The following PALLD variants were observed in gnomAD, a reference collection of about 807,000 sequenced individuals.
PALLD encodes the protein palladin, cytoskeletal associated protein, also known as palladin.
A neutral mutation model predicts 123.5 loss-of-function variants in PALLD; 61 were observed. The observed-to-expected ratio is 0.49, with a 90% CI of 0.40 to 0.61. The LOEUF is 0.61. Among genes scored for constraint, PALLD ranks in the 20% least tolerant of loss-of-function variants. The probability of loss-of-function intolerance (pLI) is 0.00; values close to 1 mark genes in which losing one functional copy is unlikely to be tolerated. For missense variants in PALLD, 1,273 were observed against 1,377.0 expected (o/e 0.92, Z 1.20); for synonymous variants, 465 against 496.4 (o/e 0.94, Z 0.84).
chr4:168,872,593 T>C (rs1335081271), intron 10 of PALLD, among the ~76,000 whole-genome samples: 1 of 152,196 alleles, frequency 6.6e-6, no homozygotes, highest in Non-Finnish European at 1.5e-5. Flanking sequence ...CCCCCAACCT[T>C]AGGGGAATGT....
chr4:168,554,847 C>G (rs1308269098), intron 2 of PALLD, among the ~76,000 whole-genome samples: 1 of 151,980 alleles, frequency 6.6e-6, no homozygotes, highest in Admixed American at 6.6e-5. Flanking sequence ...AAAGAAAAAC[C>G]TATCATATTT....
intron 15 of PALLD, among the ~76,000 whole-genome samples, chr4:168,907,224 A>G (rs1757999584): frequency 6.6e-6 from 1 of 152,224 alleles, no homozygotes; most frequent in Admixed American, 6.5e-5. Context: ...TACTGTCATT[A>G]TTTTAATTCA....
chr4:168,727,687 T>C (rs1366702807), intron 10 of PALLD, among the ~76,000 whole-genome samples: 5 of 152,212 alleles, frequency 3.3e-5, no homozygotes, highest in Non-Finnish European at 5.9e-5. Flanking sequence ...TAGTTTCTTT[T>C]GCTGTACAGA....
At position 168,896,591 on chromosome 4, in the gene PALLD, G is replaced by C. The variant is rs1353803515; in HGVS notation, c.2242G>C (p.Gly748Arg). ...PHASVGSPLD[G>R]QKEYKVSSCE... is the part of the protein sequence containing the mutation. ...TGCTTCTGTAGGGAGTCCTCTGGAT[G>C]GTCAAAAGGTTAAGCTTTTCACCTT... Residue 748 changes from glycine to arginine, a missense_variant, in exon 13 of 22, where the codon GGT (glycine) becomes CGT (arginine). By Grantham distance (125) the Gly-to-Arg change is moderately radical. This residue lies in a region of PALLD where 944 missense variants were observed against 954.5 expected (regional missense o/e 0.99). Transcript: ENST00000505667. 33 of 1,507,606 alleles carry C rather than the reference G, an allele frequency of 2.2e-5. No homozygotes were observed. The highest frequency in any genetic ancestry group is 2.7e-5 in the Non-Finnish European group (30 of 1,121,186). 93.4% of individuals were successfully genotyped at this position (1,507,606 alleles called of 1,614,324 possible).
chr4:168,876,583 G>A (rs1222618722), intron 10 of PALLD, among the ~76,000 whole-genome samples: 1 of 152,200 alleles, frequency 6.6e-6, no homozygotes, highest in Non-Finnish European at 1.5e-5. Context: ...GAAGACACAG[G>A]ACAGAGTTTA....
At chr4:168,629,257 G>A (rs796330870) in intron 2 of PALLD, among the ~76,000 whole-genome samples, 4 of 151,896 alleles carry the variant, frequency 2.6e-5, no homozygotes, top group East Asian at 3.9e-4. Flanking sequence ...CAGGTGATCC[G>A]CCCACCTCAG....
At chr4:168,917,461 A>C (rs1392117282) in intron 17 of PALLD, among the ~76,000 whole-genome samples, 1 of 152,172 alleles carries the variant, frequency 6.6e-6, no homozygotes, top group Non-Finnish European at 1.5e-5. Context: ...CCATTTCTCA[A>C]AGGAGTTTAG....
At chr4:168,550,031 A>C (rs1158782671) in intron 2 of PALLD, among the ~76,000 whole-genome samples, 2 of 152,216 alleles carry the variant, frequency 1.3e-5, no homozygotes, top group Non-Finnish European at 2.9e-5. Context: ...ATAGAAAATA[A>C]ATCTGAGTAA....
At chr4:168,762,707 T>C (rs1469989930) in intron 10 of PALLD, among the ~76,000 whole-genome samples, 1 of 152,200 alleles carries the variant, frequency 6.6e-6, no homozygotes, top group Non-Finnish European at 1.5e-5. Flanking sequence ...ATCATTTTAC[T>C]ATAAAGACAC....
intron 15 of PALLD, among the ~76,000 whole-genome samples, chr4:168,913,711 C>T (rs1759520784): frequency 6.6e-6 from 1 of 151,840 alleles, no homozygotes; most frequent in Non-Finnish European, 1.5e-5. Context: ...CAAAAAAAGA[C>T]CTTGTCACCT....
At chr4:168,809,981 A>C (rs912977613) in intron 10 of PALLD, among the ~76,000 whole-genome samples, 6 of 152,128 alleles carry the variant, frequency 3.9e-5, no homozygotes, top group Non-Finnish European at 8.8e-5. Context: ...ATGTGGGGGC[A>C]AGGAGTGGAG....
chr4:168,856,351 C>T (rs1434128330), intron 10 of PALLD, among the ~76,000 whole-genome samples: 1 of 152,102 alleles, frequency 6.6e-6, no homozygotes, highest in Non-Finnish European at 1.5e-5. Flanking sequence ...ATTTATTTTC[C>T]TTTAGGTATA....
At chr4:168,608,852 T>G (rs1402472693) in intron 2 of PALLD, among the ~76,000 whole-genome samples, 3 of 139,096 alleles carry the variant, frequency 2.2e-5, no homozygotes, top group Non-Finnish European at 3.1e-5. Context: ...CTATAACTAT[T>G]TTTTTTTTTT....
intron 10 of PALLD, among the ~76,000 whole-genome samples, chr4:168,840,705 C>T (rs188476108): frequency 6.6e-6 from 1 of 152,238 alleles, no homozygotes; most frequent in African/African-American, 2.4e-5. Flanking sequence ...TTAGATTCAT[C>T]AGAGCATATC....
intron 2 of PALLD, among the ~76,000 whole-genome samples, chr4:168,593,188 T>A (rs1477072726): frequency 6.6e-6 from 1 of 151,998 alleles, no homozygotes; most frequent in Non-Finnish European, 1.5e-5. Context: ...TATGGTTAAT[T>A]TCATCTCTTT....
In PALLD at chr4:168,927,595, A is replaced by AT. The variant is rs1762722469; in HGVS notation, c.*1421dup. On this transcript the variant is annotated 3_prime_UTR_variant, in exon 22 of 22. Transcript: ENST00000505667. ...CAAAAACAGGTTTGTGCCATAAAGT[A>AT]TTTTTTCAAAGACACCAAGATGTGG... 2 of 229,202 alleles carry AT rather than the reference A, an allele frequency of 8.7e-6. No homozygotes were observed. Among genetic ancestry groups the AT allele is most frequent in the Non-Finnish European group, 8.7e-6 (1 of 115,402 alleles). 14.2% of individuals were successfully genotyped at this position (229,202 alleles called of 1,614,324 possible).
At chr4:168,689,433 T>C (rs1203916343) in intron 6 of PALLD, among the ~76,000 whole-genome samples, 2 of 46,246 alleles carry the variant, frequency 4.3e-5, no homozygotes, top group Admixed American at 4.4e-4. Flanking sequence ...TCCAATATTC[T>C]TTTTTTTTTT....
intron 10 of PALLD, among the ~76,000 whole-genome samples, chr4:168,798,679 C>A (rs1281254991): frequency 6.6e-6 from 1 of 151,976 alleles, no homozygotes; most frequent in Non-Finnish European, 1.5e-5. Flanking sequence ...AAAGTGGAAC[C>A]GTATTGTAAA....
intron 10 of PALLD, among the ~76,000 whole-genome samples, chr4:168,858,125 G>A (rs763671800): frequency 6.6e-6 from 1 of 152,330 alleles, no homozygotes; most frequent in East Asian, 1.9e-4. Context: ...TAATAAGGAA[G>A]AATGATGTAA....
Sources: gnomAD v4.1 joint callset for allele counts (sites outside exome capture counted in the v4.1 genomes callset) on GRCh38, gnomAD v4.1.1 for gene constraint, gnomAD v4.1.1 regional missense constraint, MANE v1.5 for transcripts, NCBI Gene and HGNC (gene_info 2026-07-23, HGNC 2026-07-21) for gene names.